The following ARHGEF17 variants were observed in gnomAD, a reference collection of about 807,000 sequenced individuals.
ARHGEF17 encodes Rho guanine nucleotide exchange factor 17.
Under a neutral mutation model 174.0 loss-of-function variants are expected in ARHGEF17, and 80 were observed. The observed-to-expected ratio is 0.46, with a 90% CI of 0.38 to 0.55. The LOEUF (loss-of-function observed/expected upper bound fraction) is 0.55. Among genes scored for constraint, ARHGEF17 ranks in the 20% least tolerant of loss-of-function variants. The pLI is 0.00. For missense variants in ARHGEF17, 2,886 were observed against 2,839.7 expected (o/e 1.02, Z -0.37); for synonymous variants, 1,311 against 1,189.1 (o/e 1.10, Z -2.11).
chr11:73,313,389 C>T (rs1381669749), intron 1 of ARHGEF17, among the ~76,000 whole-genome samples: 2 of 152,176 alleles, frequency 1.3e-5, no homozygotes, highest in Admixed American at 6.5e-5. Flanking sequence ...TATATCTTTT[C>T]TGGGAGCCTT....
chr11:73,347,813 GC>G, intron 2 of ARHGEF17, among the ~76,000 whole-genome samples: 1 of 152,210 alleles, frequency 6.6e-6, no homozygotes, highest in Admixed American at 6.5e-5. Flanking sequence ...GGAGGTCAAG[GC>G]CATTGAGATC....
chr11:73,309,537 C>G lies in ARHGEF17; in HGVS notation c.899C>G (p.Ser300Cys), dbSNP rs1195552060. ...AGGCCCGGGCTCAGGCCTGGAAGCTCCCTATTGGATCAGGACTGCAGGCCT... is the reference window on the plus strand; with the variant it reads ...AGGCCCGGGCTCAGGCCTGGAAGCTGCCTATTGGATCAGGACTGCAGGCCT... ...GGRPGLRPGS[S>C]LLDQDCRPDS... is the part of the protein sequence containing the mutation. Residue 300 changes from serine (S) to cysteine (C), a missense_variant, in exon 1 of 21, where the codon TCC (serine) becomes TGC (cysteine). This residue lies in a region of ARHGEF17 where 1,728 missense variants were observed against 1,461.2 expected (regional missense o/e 1.18). Coordinates refer to ENST00000263674, the MANE Select transcript of ARHGEF17 (RefSeq NM_014786.4). 6.3e-7 allele frequency: 1 copy of G among 1,587,962 alleles called. No homozygotes were observed. The highest frequency in any genetic ancestry group is 1.4e-5 in the African/African-American group (1 of 74,060).
At position 73,331,938 on chromosome 11, in the gene ARHGEF17, T is replaced by G. The variant is rs1158240932; in HGVS notation, c.3193-14945T>G. On this transcript the variant is annotated intron_variant, in intron 1 of 20. Coordinates refer to ENST00000263674, the MANE Select transcript of ARHGEF17 (RefSeq NM_014786.4). Reference sequence around the variant, plus strand: ...AGAGACTGAGGGGTCCAGCCCAGCATGGCTTTTTCTCAAGCAGACATGCCC... The same window carrying G: ...AGAGACTGAGGGGTCCAGCCCAGCAGGGCTTTTTCTCAAGCAGACATGCCC... 2.0e-5 allele frequency among the ~76,000 whole-genome samples: 3 copies of G among 152,194 alleles called. No individual in the cohort carries two copies. In the East Asian group the frequency reaches 5.8e-4, roughly 29 times the overall value.
At chr11:73,350,890 G>A (rs928567593) in intron 2 of ARHGEF17, among the ~76,000 whole-genome samples, 1 of 152,168 alleles carries the variant, frequency 6.6e-6, no homozygotes, top group Non-Finnish European at 1.5e-5. Context: ...CACCACTCAT[G>A]TGTCAGCCCC....
rs115251413 is a variant in ARHGEF17 at position 73,339,606 on chromosome 11, G to A, written c.3193-7277G>A. ...GGTATGGGTGGGCTCAGACTGGGTG[G>A]TGTGTCCAGAGGCAGGTAGTCAGGG... On this transcript the variant is annotated intron_variant, in intron 1 of 20. Transcript: ENST00000263674. 3.2e-3 allele frequency among the ~76,000 whole-genome samples: 480 copies of A among 152,308 alleles called. 4 individuals are homozygous for A. Among genetic ancestry groups the A allele is most frequent in the African/African-American group, 0.011 (461 of 41,562 alleles).
At chr11:73,323,866 T>C (rs1865058815) in intron 1 of ARHGEF17, among the ~76,000 whole-genome samples, 1 of 152,202 alleles carries the variant, frequency 6.6e-6, no homozygotes, top group African/African-American at 2.4e-5. Context: ...TCTCTGCTGG[T>C]CCCCTGGGCA....
At chr11:73,350,285 G>T (rs2134413578) in intron 2 of ARHGEF17, among the ~76,000 whole-genome samples, 1 of 152,322 alleles carries the variant, frequency 6.6e-6, no homozygotes, top group East Asian at 1.9e-4. Flanking sequence ...CCCACTATGT[G>T]CCAGGCACTG....
intron 7 of ARHGEF17, 92 bp from the exon 8 acceptor site, chr11:73,356,933 C>G: frequency 6.6e-7 from 1 of 1,504,392 alleles, no homozygotes. Flanking sequence ...CTCACTCTCC[C>G]TGGGTCTCAG....
rs749209910 is a variant in ARHGEF17, at chr11:73,365,695, C to T, written c.5743C>T (p.Arg1915Trp). The T allele has an allele frequency of 9.9e-6, 16 of 1,612,754 alleles. No homozygotes were observed. Among genetic ancestry groups the T allele is most frequent in the Admixed American group, 1.7e-5 (1 of 60,000 alleles). Reference sequence around the variant, plus strand: ...CACCCCAGGCTCGGATGCCATCATCCGGCAGCACAAGGCTGCCTGTCTGCG... The same window carrying T: ...CACCCCAGGCTCGGATGCCATCATCTGGCAGCACAAGGCTGCCTGTCTGCG... ...RMLAGSDAII[R>W]QHKAACLRIT... The change falls in exon 20 of 21, where the codon CGG becomes TGG. Residue 1915 changes from arginine to tryptophan, a missense_variant. Coordinates refer to ENST00000263674, the MANE Select transcript of ARHGEF17 (RefSeq NM_014786.4). The surrounding 1 kb of genome is among the most constrained non-coding windows in gnomAD (Gnocchi z 4.9).
intron 2 of ARHGEF17, 68 bp from the exon 3 acceptor site, chr11:73,352,762 G>A: frequency 2.5e-6 from 4 of 1,572,980 alleles, no homozygotes; most frequent in Non-Finnish European, 3.5e-6. Context: ...CTCACACAGG[G>A]GCCCTGTGTA....
chr11:73,321,219 G>A lies in ARHGEF17; in HGVS notation c.3192+9389G>A, dbSNP rs370853752. On this transcript the variant is annotated intron_variant, in intron 1 of 20. Coordinates refer to ENST00000263674, the MANE Select transcript of ARHGEF17 (RefSeq NM_014786.4). ...TGGAGGTGGGGAGGAGGGAGAAACC[G>A]GGGCTGGAGGCTGAGCCACATGCCC... Among the ~76,000 whole-genome samples the A allele has an allele frequency of 3.3e-5, 5 of 152,286 alleles. No individual in the cohort carries two copies. In the South Asian group the frequency reaches 8.3e-4, roughly 25 times the overall value.
rs1222269338 is a variant in ARHGEF17 at position 73,365,681 on chromosome 11, C to T, written c.5729C>T (p.Ser1910Leu). The part of the protein sequence containing the change: ...TPPVHRMLAG[S>L]DAIIRQHKAA... ...TGTGGTCTGTCTCCCACCCCAGGCT[C>T]GGATGCCATCATCCGGCAGCACAAG... The change falls in exon 20 of 21, where the codon TCG becomes TTG. Residue 1910 changes from serine (S) to leucine (L), a missense_variant. This residue lies in a region of ARHGEF17 where 329 missense variants were observed against 435.2 expected (regional missense o/e 0.76). Transcript: ENST00000263674. This position sits in a 1 kb window ranked among gnomAD's most constrained non-coding sequence, Gnocchi z 4.9. 2 of 1,611,980 alleles carry T rather than the reference C, an allele frequency of 1.2e-6. No homozygotes were observed. Among genetic ancestry groups the T allele is most frequent in the East Asian group, 2.2e-5 (1 of 44,826 alleles).
intron 1 of ARHGEF17, among the ~76,000 whole-genome samples, chr11:73,335,618 A>T (rs61037777): frequency 2.0e-5 from 3 of 151,936 alleles, no homozygotes; most frequent in African/African-American, 7.3e-5. Context: ...AGCCCCTGCC[A>T]TGTGGGCCTC....
At position 73,362,432 on chromosome 11, in the gene ARHGEF17, G is replaced by T; in HGVS notation, c.4695-1G>T. On this transcript the variant is annotated splice_acceptor_variant, in intron 13 of 20. Transcript: ENST00000263674. LOFTEE classifies it high-confidence loss of function. ...GTCATCCTCACTCCGTCTTCTCGCA[G>T]GGAGCCTCCTCCGTCGCTGAGGAGT... 2.6e-6 allele frequency: 4 copies of T among 1,550,406 alleles called. No homozygotes were observed. The highest frequency in any genetic ancestry group is 3.5e-6 in the Non-Finnish European group (4 of 1,153,438).
chr11:73,342,318 G>A (rs2134408012), intron 1 of ARHGEF17, among the ~76,000 whole-genome samples: 1 of 152,196 alleles, frequency 6.6e-6, no homozygotes, highest in South Asian at 2.1e-4. Flanking sequence ...TTCAAGGTGG[G>A]TGATTTGAGT....
In ARHGEF17 at chr11:73,308,683, G is replaced by A; in HGVS notation, c.45G>A (p.Ser15=). ...GGCCCCAGCTTTACCGCAGCGTCTC[G>A]TTCAAGCTGCTGGAGCGCTGGAGCG... ...APRPQLYRSV[S]FKLLERWSGG... is the part of the protein sequence containing the mutation. Residue 15 remains serine (S), a synonymous_variant, in exon 1 of 21, where the codon TCG becomes TCA. Transcript: ENST00000263674. 1 of 1,520,724 alleles carries A rather than the reference G, an allele frequency of 6.6e-7. No individual in the cohort carries two copies. Among genetic ancestry groups the A allele is most frequent in the African/African-American group, 1.4e-5 (1 of 69,544 alleles). The allele number at this position is 1,520,724 out of a possible 1,614,324, so 94.2% of individuals were successfully genotyped here. A position where few individuals can be genotyped will look rare whatever the true frequency, so the allele number is the denominator to read the frequency against.
At chr11:73,337,406 GAA>G (rs199793636) in intron 1 of ARHGEF17, among the ~76,000 whole-genome samples, 4 of 48,180 alleles carry the variant, frequency 8.3e-5, no homozygotes, top group Non-Finnish European at 9.5e-5. Flanking sequence ...CCTGTCTCAA[GAA>G]AAAAAAAAAA....
At chr11:73,341,723 T>C (rs1355566697) in intron 1 of ARHGEF17, among the ~76,000 whole-genome samples, 1 of 152,192 alleles carries the variant, frequency 6.6e-6, no homozygotes, top group Non-Finnish European at 1.5e-5. Context: ...AAAACGGAAG[T>C]GGCTGGAGCA....
chr11:73,353,814 C>T (rs921574322), intron 3 of ARHGEF17, among the ~76,000 whole-genome samples: 4 of 152,188 alleles, frequency 2.6e-5, no homozygotes, highest in Non-Finnish European at 4.4e-5. Context: ...AACCAATAAG[C>T]ATTTAATTAA....
Sources: allele counts gnomAD v4.1 joint callset (sites outside exome capture counted in the v4.1 genomes callset), GRCh38; gene constraint gnomAD v4.1.1; regional missense constraint gnomAD v4.1.1; non-coding constraint Gnocchi (gnomAD v3.1); transcripts MANE v1.5; gene names NCBI Gene and HGNC (gene_info 2026-07-23, HGNC 2026-07-21).